The following TMEM132D variants were observed in gnomAD, a reference collection of about 807,000 sequenced individuals.
The protein encoded by TMEM132D is transmembrane protein 132D, also known as mature OL transmembrane protein.
A neutral mutation model predicts 62.3 loss-of-function variants in TMEM132D; 21 were observed. The ratio of observed to expected loss-of-function variants is 0.34; its 90% confidence interval spans 0.24 to 0.49. The LOEUF is 0.49. Ranked by LOEUF, TMEM132D falls within the 20% of genes least tolerant of loss-of-function variation. TMEM132D has a pLI of 0.99. For synonymous variants in TMEM132D, 621 were observed against 575.6 expected, an observed-to-expected ratio of 1.08 and a Z score of -1.13; for missense variants, 1,346 against 1,402.8, an observed-to-expected ratio of 0.96 and a Z score of 0.65.
At chr12:129,547,373 G>A (rs1190726512) in intron 2 of TMEM132D, among the ~76,000 whole-genome samples, 1 of 152,120 alleles carries the variant, frequency 6.6e-6, no homozygotes, top group Admixed American at 6.5e-5. Context: ...CAAGGTGCTG[G>A]GATTACAAGA....
intron 1 of TMEM132D, among the ~76,000 whole-genome samples, chr12:129,864,432 T>C (rs1202459689): frequency 6.6e-6 from 1 of 152,204 alleles, no homozygotes; most frequent in Non-Finnish European, 1.5e-5. Context: ...TAGTCTGTTT[T>C]ATAGCAATTG....
intron 3 of TMEM132D, among the ~76,000 whole-genome samples, chr12:129,426,359 C>A (rs117514341): frequency 1.3e-5 from 2 of 152,196 alleles, no homozygotes; most frequent in African/African-American, 4.8e-5. Context: ...CTGTTTCCTA[C>A]GACCACACCT....
intron 3 of TMEM132D, among the ~76,000 whole-genome samples, chr12:129,529,215 AT>A (rs1876145535): frequency 6.6e-6 from 1 of 152,216 alleles, no homozygotes; most frequent in African/African-American, 2.4e-5. Flanking sequence ...GAGATAAGGA[AT>A]GGTCTTCACT....
chr12:129,321,937 A>G (rs562697828), intron 4 of TMEM132D, among the ~76,000 whole-genome samples: 21 of 152,294 alleles, frequency 1.4e-4, no homozygotes, highest in African/African-American at 4.3e-4. Flanking sequence ...AGATATGTCT[A>G]TGTCTTTTGC....
At chr12:129,421,125 C>A (rs1431179431) in intron 3 of TMEM132D, among the ~76,000 whole-genome samples, 1 of 151,700 alleles carries the variant, frequency 6.6e-6, no homozygotes, top group South Asian at 2.1e-4. Flanking sequence ...TCACACCCAG[C>A]GAATTTTCAT....
chr12:129,326,990 C>T (rs988531111), intron 4 of TMEM132D, among the ~76,000 whole-genome samples: 2 of 152,160 alleles, frequency 1.3e-5, no homozygotes, highest in Non-Finnish European at 2.9e-5. Context: ...GTGAATGAGA[C>T]AGCTGTTAAG....
chr12:129,520,469 G>A (rs3912370), intron 3 of TMEM132D, among the ~76,000 whole-genome samples: 146,691 of 152,284 alleles, frequency 0.96, 70,875 homozygotes, highest in East Asian at 1. Flanking sequence ...AATCCAAATT[G>A]TCCTAGTTTT....
intron 4 of TMEM132D, among the ~76,000 whole-genome samples, chr12:129,308,929 G>C (rs923318659): frequency 6.6e-6 from 1 of 152,218 alleles, no homozygotes; most frequent in African/African-American, 2.4e-5. Context: ...AGAGGAGCAA[G>C]TAACTATAGC....
At chr12:129,330,105 G>A (rs1869055587) in intron 4 of TMEM132D, among the ~76,000 whole-genome samples, 1 of 152,174 alleles carries the variant, frequency 6.6e-6, no homozygotes, top group South Asian at 2.1e-4. Flanking sequence ...GAGATAAGGA[G>A]GGAAGAGATT....
At chr12:129,790,625 G>C (rs530720384) in intron 1 of TMEM132D, among the ~76,000 whole-genome samples, 8 of 152,226 alleles carry the variant, frequency 5.3e-5, no homozygotes, top group South Asian at 4.2e-4. Flanking sequence ...GCACAGGATG[G>C]GGGGGCAGGG....
At chr12:129,540,686 T>C (rs904250298) in intron 2 of TMEM132D, among the ~76,000 whole-genome samples, 49 of 152,076 alleles carry the variant, frequency 3.2e-4, no homozygotes, top group African/African-American at 1.1e-3. Context: ...GGGGTTTCAC[T>C]ATGCTGGCCA....
At chr12:129,611,315 A>G (rs1180090677) in intron 2 of TMEM132D, among the ~76,000 whole-genome samples, 3 of 152,182 alleles carry the variant, frequency 2.0e-5, no homozygotes, top group African/African-American at 7.2e-5. Context: ...TTTTCATGGT[A>G]ATTAACACTA....
At chr12:129,267,804 C>A (rs1304112268) in intron 4 of TMEM132D, among the ~76,000 whole-genome samples, 1 of 152,108 alleles carries the variant, frequency 6.6e-6, no homozygotes, top group Non-Finnish European at 1.5e-5. Flanking sequence ...CTACAGTAAT[C>A]AAAACAGCAT....
At chr12:129,694,341 A>G (rs1881144185) in intron 2 of TMEM132D, among the ~76,000 whole-genome samples, 1 of 152,198 alleles carries the variant, frequency 6.6e-6, no homozygotes. Flanking sequence ...ACATTCCTCA[A>G]AACAGCTGAC....
At chr12:129,657,132 TG>T (rs1489806626) in intron 2 of TMEM132D, among the ~76,000 whole-genome samples, 2 of 152,326 alleles carry the variant, frequency 1.3e-5, no homozygotes, top group Admixed American at 1.3e-4. Context: ...ATAAACATGT[TG>T]GTAACTTCTA....
intron 5 of TMEM132D, among the ~76,000 whole-genome samples, chr12:129,182,187 C>T (rs1300110413): frequency 1.3e-5 from 2 of 152,130 alleles, no homozygotes; most frequent in African/African-American, 2.4e-5. Context: ...CATGGTGAAA[C>T]TCCATCTCTA....
chr12:129,387,909 A>G lies in TMEM132D; in HGVS notation c.1116-50092T>C, dbSNP rs529197238. ...TGAACACTAACACGAGTCCTAATAT[A>G]GACACTAACAGCAACACCAATACTA... On this transcript the variant is annotated intron_variant, in intron 3 of 8. Coordinates refer to ENST00000422113, the MANE Select transcript of TMEM132D (RefSeq NM_133448.3). 1.7e-4 allele frequency among the ~76,000 whole-genome samples: 14 copies of G among 81,322 alleles called. 1 individual carries two copies. The highest frequency in any genetic ancestry group is 6.3e-4 in the African/African-American group (13 of 20,740). 53.4% of individuals were successfully genotyped at this position (81,322 alleles called of 152,430 possible).
intron 3 of TMEM132D, among the ~76,000 whole-genome samples, chr12:129,385,535 C>T (rs1468237085): frequency 6.6e-6 from 1 of 152,202 alleles, no homozygotes; most frequent in East Asian, 1.9e-4. Context: ...GGCCACCAAC[C>T]AGCCTAGTAA....
intron 3 of TMEM132D, among the ~76,000 whole-genome samples, chr12:129,525,614 C>T (rs750016992): frequency 2.0e-5 from 3 of 152,038 alleles, no homozygotes; most frequent in Non-Finnish European, 2.9e-5. Flanking sequence ...AAAGTGTGTG[C>T]GCATGTGTGA....
Sources: allele counts gnomAD v4.1 joint callset (sites outside exome capture counted in the v4.1 genomes callset), GRCh38; gene constraint gnomAD v4.1.1; transcripts MANE v1.5; gene names NCBI Gene and HGNC (gene_info 2026-07-23, HGNC 2026-07-21).